DLG2: variants seen among roughly 807,000 people sequenced by gnomAD.
The protein encoded by DLG2 is discs large MAGUK scaffold protein 2, also known as disks large homolog 2.
A neutral mutation model predicts 132.5 loss-of-function variants in DLG2; 45 were observed. The observed-to-expected ratio is 0.34, with a 90% confidence interval of 0.27 to 0.44. The LOEUF is 0.44. Ranked by LOEUF, DLG2 falls within the 20% of genes least tolerant of loss-of-function variation. The pLI, the probability that DLG2 is intolerant of heterozygous loss-of-function variation, is 1.00. For missense variants in DLG2, 1,045 were observed against 1,196.9 expected (o/e 0.87, Z 1.87); for synonymous variants, 424 against 419.6 (o/e 1.01, Z -0.13).
chr11:84,707,187 A>C (rs2059875262), intron 6 of DLG2, among the ~76,000 whole-genome samples: 1 of 151,836 alleles, frequency 6.6e-6, no homozygotes, highest in Non-Finnish European at 1.5e-5. Flanking sequence ...GAGTCTGAAT[A>C]CTAGTAGAAT....
At chr11:83,891,420 C>T (rs1394592909) in intron 15 of DLG2, among the ~76,000 whole-genome samples, 1 of 152,172 alleles carries the variant, frequency 6.6e-6, no homozygotes, top group Non-Finnish European at 1.5e-5. Context: ...ACAGGGAGTA[C>T]TGCTCTTTGG....
chr11:84,908,258 A>G (rs957299594), intron 6 of DLG2, among the ~76,000 whole-genome samples: 2 of 152,252 alleles, frequency 1.3e-5, no homozygotes, highest in Non-Finnish European at 1.5e-5. Flanking sequence ...AAACTAAAAT[A>G]TACAAAATAT....
At chr11:84,786,043 C>A (rs2072837148) in intron 6 of DLG2, among the ~76,000 whole-genome samples, 1 of 152,060 alleles carries the variant, frequency 6.6e-6, no homozygotes, top group Non-Finnish European at 1.5e-5. Flanking sequence ...ATGTTCATAT[C>A]TACTATGCTA....
chr11:85,131,898 G>A (rs527518021), intron 5 of DLG2, among the ~76,000 whole-genome samples: 22 of 152,028 alleles, frequency 1.4e-4, no homozygotes, highest in Non-Finnish European at 2.5e-4. Flanking sequence ...TCTAATCAAC[G>A]TGAGATACAA....
intron 6 of DLG2, among the ~76,000 whole-genome samples, chr11:84,883,201 A>T (rs1013377120): frequency 2.0e-5 from 3 of 152,096 alleles, no homozygotes; most frequent in Non-Finnish European, 1.5e-5. Flanking sequence ...CAGCAAATTA[A>T]CACAGGAACA....
At chr11:85,398,517 T>A (rs142281490) in intron 3 of DLG2, among the ~76,000 whole-genome samples, 5,324 of 151,850 alleles carry the variant, frequency 0.035, 143 homozygotes, top group Admixed American at 0.049. Flanking sequence ...ATCAACAAAA[T>A]TGATAGACCA....
intron 6 of DLG2, among the ~76,000 whole-genome samples, chr11:84,683,784 A>G (rs369436917): frequency 6.6e-6 from 1 of 152,206 alleles, no homozygotes; most frequent in Non-Finnish European, 1.5e-5. Context: ...ATTGTGAAAC[A>G]AAGTTCCACA....
chr11:84,264,496 G>C (rs2097586378), intron 7 of DLG2, among the ~76,000 whole-genome samples: 1 of 152,196 alleles, frequency 6.6e-6, no homozygotes, highest in African/African-American at 2.4e-5. Flanking sequence ...GTGGGCTAGA[G>C]GAGAGATGGG....
intron 6 of DLG2, among the ~76,000 whole-genome samples, chr11:84,859,385 CATACATATATATGT>C (rs2083269896): frequency 7.1e-6 from 1 of 141,640 alleles, no homozygotes; most frequent in Non-Finnish European, 1.5e-5. Context: ...CATATATATG[CATACATATATATGT>C]ATATATACAT....
chr11:85,318,396 C>G lies in DLG2; in HGVS notation c.41-33031G>C, dbSNP rs150513175. Reference sequence around the variant, plus strand: ...CAAAACAGAATAAAGCAGCAGAAACCCAGTAGACTCATGATATAAATAGTT... The same window carrying G: ...CAAAACAGAATAAAGCAGCAGAAACGCAGTAGACTCATGATATAAATAGTT... On this transcript the variant is annotated intron_variant, in intron 3 of 27. Transcript: ENST00000376104. Among the ~76,000 whole-genome samples, 331 of 151,668 alleles carry G rather than the reference C, an allele frequency of 2.2e-3. 1 individual carries two copies. The highest frequency in any genetic ancestry group is 7.8e-3 in the African/African-American group (321 of 41,410).
At chr11:85,336,067 A>T (rs1277649911) in intron 3 of DLG2, 1 of 152,332 alleles carries the variant, frequency 6.6e-6, no homozygotes, top group South Asian at 2.1e-4. Context: ...TTCCCTTTGT[A>T]TTGCCAAAAG....
chr11:84,530,134 A>G (rs1168449125), intron 7 of DLG2, among the ~76,000 whole-genome samples: 1 of 152,218 alleles, frequency 6.6e-6, no homozygotes, highest in East Asian at 1.9e-4. Context: ...CCACGTACAA[A>G]AAAATCAACT....
chr11:83,733,999 C>G (rs1173652652), intron 18 of DLG2, among the ~76,000 whole-genome samples: 1 of 142,796 alleles, frequency 7.0e-6, no homozygotes, highest in Admixed American at 6.9e-5. Flanking sequence ...TTAGCTCCTA[C>G]TTATCAGTGA....
At chr11:84,600,525 C>G (rs2099574558) in intron 6 of DLG2, among the ~76,000 whole-genome samples, 1 of 152,158 alleles carries the variant, frequency 6.6e-6, no homozygotes, top group African/African-American at 2.4e-5. Flanking sequence ...GGCTAAGTAA[C>G]TTGTTCTGTA....
chr11:85,355,890 A>G (rs1449871448), intron 3 of DLG2, among the ~76,000 whole-genome samples: 5 of 152,134 alleles, frequency 3.3e-5, no homozygotes, highest in African/African-American at 4.8e-5. Flanking sequence ...CTAGCTAATG[A>G]GATTGTCCTT....
chr11:84,289,082 C>A (rs192469178), intron 7 of DLG2, among the ~76,000 whole-genome samples: 15 of 152,100 alleles, frequency 9.9e-5, no homozygotes, highest in East Asian at 1.9e-4. Flanking sequence ...TCAGTGAACA[C>A]TAATTGAACA....
At chr11:84,020,848 A>T (rs2154077038) in intron 11 of DLG2, among the ~76,000 whole-genome samples, 1 of 152,302 alleles carries the variant, frequency 6.6e-6, no homozygotes, top group Non-Finnish European at 1.5e-5. Context: ...TTTCGGTTAT[A>T]AAATTTTCAA....
intron 6 of DLG2, among the ~76,000 whole-genome samples, chr11:84,998,606 T>A (rs548177841): frequency 6.6e-6 from 1 of 152,296 alleles, no homozygotes; most frequent in East Asian, 1.9e-4. Context: ...GGTATCATGG[T>A]TGTTGATGGT....
chr11:84,914,266 G>A (rs914528403), intron 6 of DLG2, among the ~76,000 whole-genome samples: 4 of 152,074 alleles, frequency 2.6e-5, no homozygotes, highest in African/African-American at 7.2e-5. Context: ...ACCTCCAGCT[G>A]AAATTTGAGA....
Sources: gnomAD v4.1 joint callset for allele counts (sites outside exome capture counted in the v4.1 genomes callset) on GRCh38, gnomAD v4.1.1 for gene constraint, MANE v1.5 for transcripts, NCBI Gene and HGNC (gene_info 2026-07-23, HGNC 2026-07-21) for gene names.